SLC9A9: variants seen among roughly 807,000 people sequenced by gnomAD.
The protein encoded by SLC9A9 is sodium/hydrogen exchanger 9.
A neutral mutation model predicts 77.8 loss-of-function variants in SLC9A9; 62 were observed. The observed-to-expected ratio is 0.80, with a 90% CI of 0.65 to 0.98. SLC9A9 has a LOEUF of 0.98. SLC9A9 is among the 50% of genes least tolerant of loss of function. SLC9A9 has a pLI of 0.00. For synonymous variants in SLC9A9, 320 were observed against 283.5 expected (o/e 1.13, Z -1.29); for missense variants, 775 against 774.9 (o/e 1.00, Z 0.00).
intron 9 of SLC9A9, among the ~76,000 whole-genome samples, chr3:143,532,726 C>T (rs1018881814): frequency 1.3e-5 from 2 of 152,178 alleles, no homozygotes; most frequent in Admixed American, 1.3e-4. Flanking sequence ...TTCTTCCAGC[C>T]CTATAACTCT....
intron 6 of SLC9A9, among the ~76,000 whole-genome samples, chr3:143,600,031 A>T (rs865825153): frequency 1.7e-4 from 26 of 151,814 alleles, no homozygotes; most frequent in South Asian, 2.1e-4. Context: ...TAATTAAAAA[A>T]TTTTTTTTAT....
At chr3:143,497,941 G>A (rs838601) in intron 9 of SLC9A9, among the ~76,000 whole-genome samples, 57,547 of 152,016 alleles carry the variant, frequency 0.38, 11,666 homozygotes, top group South Asian at 0.44. Flanking sequence ...AGAAGTATAT[G>A]GGAAAAGTCG....
intron 12 of SLC9A9, among the ~76,000 whole-genome samples, chr3:143,449,850 TATAA>T (rs1576505862): frequency 8.0e-5 from 5 of 62,118 alleles, no homozygotes; most frequent in East Asian, 5.2e-4. Flanking sequence ...ATTATATATA[TATAA>T]TTATATATAT....
At chr3:143,588,025 ATCATAGGAAGACAGAT>A (rs2037574151) in intron 6 of SLC9A9, among the ~76,000 whole-genome samples, 1 of 152,226 alleles carries the variant, frequency 6.6e-6, no homozygotes. Flanking sequence ...AAAGTAACGT[ATCATAGGAAGACAGAT>A]TCCCAGCTTT....
intron 2 of SLC9A9, among the ~76,000 whole-genome samples, chr3:143,810,363 TA>T (rs1304195657): frequency 6.6e-6 from 1 of 152,202 alleles, no homozygotes; most frequent in African/African-American, 2.4e-5. Flanking sequence ...ACTGAACTAC[TA>T]AATAAATAAT....
rs546615317 is a variant in SLC9A9, at chr3:143,397,407, G to A, written c.1470-15293C>T. Among the ~76,000 whole-genome samples, 28 of 152,270 alleles carry A rather than the reference G, an allele frequency of 1.8e-4. No homozygotes were observed. The South Asian group carries it at 5.8e-3, about 32-fold the overall frequency. On this transcript the variant is annotated intron_variant, in intron 12 of 15. Transcript: ENST00000316549. ...GAACAAGTTACATGGGAAAAAAGAG[G>A]GACATTTTATCACGGAATATGAAGT...
At chr3:143,573,942 A>C (rs2037312628) in intron 8 of SLC9A9, 146 bp downstream of exon 8, 2 of 709,684 alleles carry the variant, frequency 2.8e-6, no homozygotes, top group Non-Finnish European at 2.6e-6. Flanking sequence ...CAGCGTACCC[A>C]AGAGAGGCTG....
At chr3:143,552,313 C>T (rs756012472) in intron 9 of SLC9A9, 49 bp downstream of exon 9, 7 of 1,369,126 alleles carry the variant, frequency 5.1e-6, no homozygotes, top group African/African-American at 4.3e-5. Context: ...GCTACATAAC[C>T]ATTTCACTGA....
chr3:143,748,984 T>A (rs1935270907), intron 4 of SLC9A9, among the ~76,000 whole-genome samples: 1 of 151,758 alleles, frequency 6.6e-6, no homozygotes, highest in Non-Finnish European at 1.5e-5. Context: ...ATTACAGGCG[T>A]GAGCCACCGC....
intron 14 of SLC9A9, among the ~76,000 whole-genome samples, chr3:143,324,042 G>T (rs532046779): frequency 6.6e-6 from 1 of 152,072 alleles, no homozygotes; most frequent in Non-Finnish European, 1.5e-5. Flanking sequence ...CTTGGTGGTA[G>T]AGGTAACAAT....
intron 13 of SLC9A9, among the ~76,000 whole-genome samples, chr3:143,377,908 C>T (rs188091859): frequency 1.3e-3 from 205 of 152,354 alleles, no homozygotes; most frequent in Middle Eastern, 3.4e-3. Flanking sequence ...GCTGGCCTTC[C>T]TGCTGCTTTT....
At chr3:143,581,552 C>G (rs1576590209) in intron 6 of SLC9A9, among the ~76,000 whole-genome samples, 3 of 151,612 alleles carry the variant, frequency 2.0e-5, no homozygotes, top group Admixed American at 2.0e-4. Flanking sequence ...TCCTTCCTTT[C>G]TCTTTCTTTC....
chr3:143,318,897 G>T (rs1278304387), intron 14 of SLC9A9, among the ~76,000 whole-genome samples: 1 of 152,172 alleles, frequency 6.6e-6, no homozygotes, highest in African/African-American at 2.4e-5. Context: ...GGCCACGCAA[G>T]ATGTGTTGTC....
intron 6 of SLC9A9, among the ~76,000 whole-genome samples, chr3:143,619,800 T>C (rs1332913050): frequency 6.6e-6 from 1 of 152,184 alleles, no homozygotes; most frequent in African/African-American, 2.4e-5. Flanking sequence ...CAACTTCTGG[T>C]CCCGCCAACA....
At chr3:143,350,432 C>T (rs1410570354) in intron 14 of SLC9A9, among the ~76,000 whole-genome samples, 2 of 152,206 alleles carry the variant, frequency 1.3e-5, no homozygotes, top group Non-Finnish European at 2.9e-5. Context: ...GACACCTTCA[C>T]CTGATACTCA....
At chr3:143,799,523 G>A (rs536881985) in intron 2 of SLC9A9, among the ~76,000 whole-genome samples, 1 of 152,192 alleles carries the variant, frequency 6.6e-6, no homozygotes, top group Non-Finnish European at 1.5e-5. Context: ...GCTGCCAGGG[G>A]TTCTTCCAGA....
chr3:143,499,038 A>G (rs2035886535), intron 9 of SLC9A9, among the ~76,000 whole-genome samples: 1 of 152,224 alleles, frequency 6.6e-6, no homozygotes, highest in African/African-American at 2.4e-5. Context: ...ACATAGTGCC[A>G]TGCAGTTTCC....
intron 6 of SLC9A9, among the ~76,000 whole-genome samples, chr3:143,637,195 G>A (rs180808527): frequency 5.1e-4 from 78 of 152,206 alleles, no homozygotes; most frequent in Non-Finnish European, 6.9e-4. Flanking sequence ...GGAGTTCAAC[G>A]AGATCCAAGG....
At chr3:143,534,663 T>C (rs1226670495) in intron 9 of SLC9A9, among the ~76,000 whole-genome samples, 2 of 152,200 alleles carry the variant, frequency 1.3e-5, no homozygotes, top group African/African-American at 4.8e-5. Flanking sequence ...GGCACCTACC[T>C]GCGCCCCATG....
Sources: allele counts gnomAD v4.1 joint callset (sites outside exome capture counted in the v4.1 genomes callset), GRCh38; gene constraint gnomAD v4.1.1; transcripts MANE v1.5; gene names NCBI Gene and HGNC (gene_info 2026-07-23, HGNC 2026-07-21).